PTPRD: variants seen among roughly 807,000 people sequenced by gnomAD.
PTPRD encodes the protein protein tyrosine phosphatase receptor type D.
Under a neutral mutation model 214.5 loss-of-function variants are expected in PTPRD, and 34 were observed. The ratio of observed to expected loss-of-function variants is 0.16; its 90% confidence interval spans 0.12 to 0.21. PTPRD has a LOEUF of 0.21. Among genes scored for constraint, PTPRD ranks in the 10% least tolerant of loss-of-function variants. The pLI is 1.00. For synonymous variants in PTPRD, 1,128 were observed against 845.7 expected, an observed-to-expected ratio of 1.33 and a Z score of -5.79; for missense variants, 2,545 against 2,398.7, an observed-to-expected ratio of 1.06 and a Z score of -1.27.
At position 8,852,854 on chromosome 9, in the gene PTPRD, G is replaced by A. The variant is rs983708556; in HGVS notation, c.-103-118908C>T. 2.0e-5 allele frequency among the ~76,000 whole-genome samples: 3 copies of A among 152,078 alleles called. No homozygotes were observed. The East Asian group carries it at 5.8e-4, about 29-fold the overall frequency. ...TAATATGGTCCTGTTAAATGTATTAGCATCAAACTAAAAATAATTAACAGG... is the reference window on the plus strand; with the variant it reads ...TAATATGGTCCTGTTAAATGTATTAACATCAAACTAAAAATAATTAACAGG... On this transcript the variant is annotated intron_variant, in intron 11 of 45. Transcript: ENST00000381196.
intron 4 of PTPRD, among the ~76,000 whole-genome samples, chr9:9,953,461 A>G (rs1435119680): frequency 6.6e-6 from 1 of 151,818 alleles, no homozygotes; most frequent in Non-Finnish European, 1.5e-5. Flanking sequence ...TACTGAAATA[A>G]AAAAAATTAA....
intron 11 of PTPRD, among the ~76,000 whole-genome samples, chr9:9,014,461 AG>A (rs1158130734): frequency 6.6e-6 from 1 of 152,166 alleles, no homozygotes; most frequent in African/African-American, 2.4e-5. Context: ...GTTTTATAAA[AG>A]TGTTAATATG....
intron 2 of PTPRD, among the ~76,000 whole-genome samples, chr9:10,343,981 T>G (rs1463205532): frequency 7.6e-6 from 1 of 131,308 alleles, no homozygotes; most frequent in East Asian, 2.2e-4. Context: ...GATGGTAGTT[T>G]TTTTTTTTTT....
At chr9:8,692,289 A>G (rs2097824033) in intron 12 of PTPRD, among the ~76,000 whole-genome samples, 1 of 152,212 alleles carries the variant, frequency 6.6e-6, no homozygotes, top group South Asian at 2.1e-4. Flanking sequence ...TCACAATTTA[A>G]TGTGAATTGT....
At chr9:10,052,361 AAAG>A (rs570859545) in intron 3 of PTPRD, among the ~76,000 whole-genome samples, 3 of 152,224 alleles carry the variant, frequency 2.0e-5, no homozygotes, top group African/African-American at 7.2e-5. Flanking sequence ...CAAACTCCCA[AAAG>A]AAGCAGCACA....
At chr9:10,127,480 GT>G (rs2098828555) in intron 3 of PTPRD, among the ~76,000 whole-genome samples, 1 of 152,074 alleles carries the variant, frequency 6.6e-6, no homozygotes, top group South Asian at 2.1e-4. Context: ...AAGAAGAGAG[GT>G]TTTGAAATCA....
At chr9:9,128,053 C>A (rs1352751453) in intron 10 of PTPRD, among the ~76,000 whole-genome samples, 1 of 152,030 alleles carries the variant, frequency 6.6e-6, no homozygotes, top group African/African-American at 2.4e-5. Context: ...CAATACTGTA[C>A]TTTTTTAAAA....
chr9:9,848,293 T>A (rs2059918355), intron 5 of PTPRD, among the ~76,000 whole-genome samples: 1 of 152,106 alleles, frequency 6.6e-6, no homozygotes, highest in African/African-American at 2.4e-5. Context: ...CCCTTAATGC[T>A]ATATCTTAGC....
chr9:9,267,718 C>G (rs1045086617), intron 9 of PTPRD, among the ~76,000 whole-genome samples: 2 of 150,870 alleles, frequency 1.3e-5, no homozygotes, highest in Admixed American at 6.6e-5. Context: ...GCAAGGATGG[C>G]TTAACATACA....
rs566850752 is a variant in PTPRD at position 9,114,322 on chromosome 9, G to C, written c.-143+68982C>G. ...TGTTATATCTCCATAATGAAACAAT[G>C]AATGTGCTGAATTGTAAAATGATAA... On this transcript the variant is annotated intron_variant, in intron 10 of 45. Coordinates refer to ENST00000381196, the MANE Select transcript of PTPRD (RefSeq NM_002839.4). Among the ~76,000 whole-genome samples, 7 of 152,248 alleles carry C rather than the reference G, an allele frequency of 4.6e-5. No individual in the cohort carries two copies. The South Asian group carries it at 1.2e-3, about 27-fold the overall frequency.
At chr9:9,218,778 C>T (rs1227024063) in intron 9 of PTPRD, among the ~76,000 whole-genome samples, 1 of 152,092 alleles carries the variant, frequency 6.6e-6, no homozygotes, top group Admixed American at 6.6e-5. Context: ...GAGCAGCATT[C>T]TCCACTGTCA....
intron 4 of PTPRD, among the ~76,000 whole-genome samples, chr9:10,028,823 C>A (rs748701474): frequency 6.6e-6 from 1 of 152,156 alleles, no homozygotes. Flanking sequence ...AAATTCAAGT[C>A]GGCTGCAGAC....
chr9:10,377,537 G>A (rs979158520), intron 2 of PTPRD, among the ~76,000 whole-genome samples: 1 of 151,780 alleles, frequency 6.6e-6, no homozygotes, highest in Non-Finnish European at 1.5e-5. Flanking sequence ...GAGAACAGGC[G>A]ATGTTTGTTT....
chr9:10,252,023 G>T (rs1028654444), intron 3 of PTPRD, among the ~76,000 whole-genome samples: 5 of 152,042 alleles, frequency 3.3e-5, no homozygotes, highest in Non-Finnish European at 5.9e-5. Flanking sequence ...GTGAATTGAT[G>T]GGTATGTTAA....
At chr9:10,119,901 G>C (rs1047565062) in intron 3 of PTPRD, among the ~76,000 whole-genome samples, 1 of 151,982 alleles carries the variant, frequency 6.6e-6, no homozygotes, top group Non-Finnish European at 1.5e-5. Flanking sequence ...AAAATATCTA[G>C]TTTTCCAACG....
In PTPRD at chr9:8,633,380, C is replaced by G. The variant is rs768353460; in HGVS notation, c.289G>C (p.Glu97Gln). 6.2e-7 allele frequency: 1 copy of G among 1,612,878 alleles called. No individual in the cohort carries two copies. The highest frequency in any genetic ancestry group is 8.5e-7 in the Non-Finnish European group (1 of 1,179,132). The change falls in exon 14 of 46, where the codon GAA (glutamate) becomes CAA (glutamine). Residue 97 changes from glutamate (E) to glutamine (Q), a missense_variant. By Grantham distance (29) the Glu-to-Gln change is conservative. Transcript: ENST00000381196. Reference protein sequence around the residue: ...LRTPRDEAIYECVASNNVGEI... With the variant: ...LRTPRDEAIYQCVASNNVGEI... ...CCCACATTATTTGAGGCCACACATT[C>G]ATAAATGGCCTCATCCCTCGGAGTC...
At chr9:9,337,786 T>C (rs1403658681) in intron 9 of PTPRD, among the ~76,000 whole-genome samples, 1 of 152,206 alleles carries the variant, frequency 6.6e-6, no homozygotes, top group Non-Finnish European at 1.5e-5. Context: ...TTGATAACTA[T>C]ATTATGAGTT....
At chr9:10,077,098 C>T (rs940346816) in intron 3 of PTPRD, among the ~76,000 whole-genome samples, 1 of 152,124 alleles carries the variant, frequency 6.6e-6, no homozygotes, top group Non-Finnish European at 1.5e-5. Flanking sequence ...TAAAACTTCA[C>T]GTTCATTTTA....
intron 11 of PTPRD, among the ~76,000 whole-genome samples, chr9:8,996,619 C>G (rs2099397797): frequency 6.6e-6 from 1 of 152,008 alleles, no homozygotes; most frequent in Non-Finnish European, 1.5e-5. Context: ...GACCAAGGCA[C>G]CAGCAGATTC....
Sources: allele counts gnomAD v4.1 joint callset (sites outside exome capture counted in the v4.1 genomes callset), GRCh38; gene constraint gnomAD v4.1.1; transcripts MANE v1.5; gene names NCBI Gene and HGNC (gene_info 2026-07-23, HGNC 2026-07-21).